ZBBX: variants seen among roughly 807,000 people sequenced by gnomAD.
ZBBX encodes the protein zinc finger B-box domain-containing protein 1.
ZBBX carries 101 observed loss-of-function variants against 108.5 expected under a neutral mutation model. That is an observed-to-expected ratio of 0.93 (90% confidence interval 0.79 to 1.10). The LOEUF is 1.10. ZBBX is among the 50% of genes least tolerant of loss of function. The pLI, the probability that ZBBX is intolerant of heterozygous loss-of-function variation, is 0.00. For missense variants in ZBBX, 1,009 were observed against 941.4 expected, an observed-to-expected ratio of 1.07 and a Z score of -0.94; for synonymous variants, 356 against 323.4, an observed-to-expected ratio of 1.10 and a Z score of -1.08.
At chr3:167,330,945 T>TTCTCTCTCTCTCTC (rs151154237) in intron 10 of ZBBX, among the ~76,000 whole-genome samples, 2,386 of 87,192 alleles carry the variant, frequency 0.027, 171 homozygotes, top group South Asian at 0.039. Context: ...CTCTCTTTCT[T>TTCTCTCTCTCTCTC]TCTCTCTCTC....
chr3:167,188,837 AGGTTTCTTCTG>A, the ZBBX span, among the ~76,000 whole-genome samples: 1 of 152,210 alleles, frequency 6.6e-6, no homozygotes, highest in African/African-American at 2.4e-5. Context: ...TAAAGGGTGT[AGGTTTCTTCTG>A]ATCTGGCATA....
chr3:167,295,019 G>A (rs765771515), intron 18 of ZBBX, among the ~76,000 whole-genome samples: 7 of 152,070 alleles, frequency 4.6e-5, no homozygotes, highest in Non-Finnish European at 7.4e-5. Context: ...TTAGAATGGT[G>A]ATCATTAAAA....
chr3:167,401,649 C>A (rs1156638210), intron 1 of ZBBX, among the ~76,000 whole-genome samples: 4 of 152,100 alleles, frequency 2.6e-5, no homozygotes, highest in Non-Finnish European at 5.9e-5. Flanking sequence ...GTGAGGACAA[C>A]CAGAGGTCAC....
intron 1 of ZBBX, among the ~76,000 whole-genome samples, chr3:167,389,733 T>C (rs1254107340): frequency 6.6e-6 from 1 of 152,224 alleles, no homozygotes; most frequent in Non-Finnish European, 1.5e-5. Context: ...TGACTAGTGA[T>C]GATGAGCTTA....
intron 20 of ZBBX, chr3:167,252,273 G>T: frequency 1.0e-6 from 1 of 999,320 alleles, no homozygotes; most frequent in Non-Finnish European, 1.4e-6. Flanking sequence ...CTTTCACAGA[G>T]ATTTGAACAT....
intron 10 of ZBBX, among the ~76,000 whole-genome samples, chr3:167,330,888 G>GAAGAAGAAGAAGAAGAAGAAGAAGAAA (rs1738417830): frequency 7.7e-6 from 1 of 130,400 alleles, no homozygotes; most frequent in Non-Finnish European, 1.6e-5. Context: ...AGAAGAAGAA[G>GAAGAAGAAGAAGAAGAAGAAGAAGAAA]AAGAAGAAGA....
chr3:167,369,806 A>G (rs1187764888), intron 4 of ZBBX, among the ~76,000 whole-genome samples: 4 of 152,164 alleles, frequency 2.6e-5, no homozygotes, highest in Admixed American at 6.6e-5. Flanking sequence ...GCTGAAACCT[A>G]AAGGATGAAA....
chr3:167,346,226 G>A (rs1741429743), intron 9 of ZBBX, among the ~76,000 whole-genome samples: 1 of 149,192 alleles, frequency 6.7e-6, no homozygotes, highest in Non-Finnish European at 1.5e-5. Context: ...TGCCTCTCAT[G>A]CATTTATGCC....
At chr3:167,188,715 T>C in the ZBBX span, among the ~76,000 whole-genome samples, 1 of 152,210 alleles carries the variant, frequency 6.6e-6, no homozygotes, top group African/African-American at 2.4e-5. Context: ...TAACTTTCCT[T>C]TATTCATTTA....
At chr3:167,225,372 G>T in the ZBBX span, among the ~76,000 whole-genome samples, 1 of 151,814 alleles carries the variant, frequency 6.6e-6, no homozygotes, top group Non-Finnish European at 1.5e-5. Context: ...ACGAATGGTA[G>T]GAATAACAAC....
At chr3:167,344,673 G>C (rs919725894) in intron 9 of ZBBX, among the ~76,000 whole-genome samples, 1 of 151,596 alleles carries the variant, frequency 6.6e-6, no homozygotes, top group Non-Finnish European at 1.5e-5. Flanking sequence ...CAGAAGTACA[G>C]TTCAGGTAGA....
At chr3:167,264,815 C>T (rs548947918) in intron 20 of ZBBX, among the ~76,000 whole-genome samples, 4 of 152,234 alleles carry the variant, frequency 2.6e-5, no homozygotes, top group Admixed American at 1.3e-4. Flanking sequence ...CCACTCTTCT[C>T]TTCCCTTTCT....
chr3:167,256,575 G>C (rs1442836212), intron 20 of ZBBX, among the ~76,000 whole-genome samples: 1 of 148,484 alleles, frequency 6.7e-6, no homozygotes, highest in Non-Finnish European at 1.5e-5. Context: ...CTATTTTTTG[G>C]ACCCATTAAC....
intron 16 of ZBBX, among the ~76,000 whole-genome samples, chr3:167,310,501 CA>C (rs1734391074): frequency 6.6e-6 from 1 of 152,144 alleles, no homozygotes; most frequent in Admixed American, 6.6e-5. Flanking sequence ...TTAATTGACT[CA>C]CAGTTCCACA....
intron 20 of ZBBX, among the ~76,000 whole-genome samples, chr3:167,243,199 G>A (rs1720978426): frequency 6.6e-6 from 1 of 152,162 alleles, no homozygotes; most frequent in Non-Finnish European, 1.5e-5. Flanking sequence ...AATACTGCAA[G>A]TTAAACAAAC....
chr3:167,256,431 A>C (rs1723525161), intron 20 of ZBBX, among the ~76,000 whole-genome samples: 1 of 149,748 alleles, frequency 6.7e-6, no homozygotes, highest in Non-Finnish European at 1.5e-5. Context: ...CCATCCCTTC[A>C]AGCACTTATT....
chr3:167,179,814 G>A, the ZBBX span, among the ~76,000 whole-genome samples: 1 of 152,124 alleles, frequency 6.6e-6, no homozygotes, highest in Non-Finnish European at 1.5e-5. Flanking sequence ...GTTATTTTAG[G>A]GAGAATCCAA....
At chr3:167,375,591 C>T (rs1426561016) in intron 2 of ZBBX, among the ~76,000 whole-genome samples, 1 of 148,282 alleles carries the variant, frequency 6.7e-6, no homozygotes, top group Admixed American at 6.7e-5. Flanking sequence ...GACTCTGTCT[C>T]AAAAAAGAAA....
intron 20 of ZBBX, among the ~76,000 whole-genome samples, chr3:167,276,295 G>A (rs941570998): frequency 6.6e-5 from 10 of 151,472 alleles, no homozygotes; most frequent in Non-Finnish European, 1.5e-4. Context: ...ATTACTCCGC[G>A]CTACGGGAGA....
Sources: allele counts gnomAD v4.1 joint callset (sites outside exome capture counted in the v4.1 genomes callset), GRCh38; gene constraint gnomAD v4.1.1; transcripts MANE v1.5; gene names NCBI Gene and HGNC (gene_info 2026-07-23, HGNC 2026-07-21).